Variants in FAM9B observed in about 807,000 individuals in gnomAD.
FAM9B encodes family with sequence similarity 9 member B, also known as protein FAM9B.
FAM9B carries 18 observed loss-of-function variants against 16.6 expected under a neutral mutation model. The ratio of observed to expected loss-of-function variants is 1.09; its 90% CI spans 0.75 to 1.61. FAM9B has a LOEUF of 1.61. Ranked by LOEUF, FAM9B falls within the 40% of genes most tolerant of loss-of-function variation. FAM9B has a pLI of 0.00. For missense variants in FAM9B, 155 were observed against 136.0 expected (o/e 1.14, Z -0.70); for synonymous variants, 43 against 42.6 (o/e 1.01, Z -0.03).
chrX:9,030,088 G>T (rs1248045466), intron 5 of FAM9B, 173 bp downstream of exon 5: 21 of 961,608 alleles, frequency 2.2e-5, no homozygotes, highest in Middle Eastern at 3.9e-4. Context: ...TCTTAATTCT[G>T]TTAAACTGAG....
At position 9,033,042 on chromosome X, in the gene FAM9B, G is replaced by T; in HGVS notation, c.-56C>A. The T allele has an allele frequency of 1.7e-6, 2 of 1,211,899 alleles. No individual in the cohort carries two copies. The highest frequency in any genetic ancestry group is 2.2e-6 in the Non-Finnish European group (2 of 895,446). ...CCTCCTGCCCACAGGATCCGTGGCTGGTTGTCCTGGGAAGCTAGAGGCGAT... is the reference window on the plus strand; with the variant it reads ...CCTCCTGCCCACAGGATCCGTGGCTTGTTGTCCTGGGAAGCTAGAGGCGAT... On this transcript the variant is annotated 5_prime_UTR_variant, in exon 2 of 9. Transcript: ENST00000327220.
rs199877363 is a variant in FAM9B, at chrX:9,033,350, CCT to C, written c.-89-277_-89-276del. 5.0e-4 allele frequency: 505 copies of C among 1,017,939 alleles called. 4 individuals are homozygous for C. In the African/African-American group the frequency reaches 8.8e-3, roughly 18 times the overall value. The allele number at this position is 1,017,939 out of a possible 1,213,427, so 83.9% of individuals were successfully genotyped here. A position where few individuals can be genotyped will look rare whatever the true frequency, so the allele number is the denominator to read the frequency against. On this transcript the variant is annotated intron_variant, in intron 1 of 8. Coordinates refer to ENST00000327220, the MANE Select transcript of FAM9B (RefSeq NM_205849.3). ...CCTTTTGGGACAGAACTCAGCCCTA[CCT>C]CTGAGTCACCTAGCGACCCCATGTG...
In FAM9B at chrX:9,025,221, A is replaced by G. The variant is rs1032221832; in HGVS notation, c.*188T>C. 5.3e-6 allele frequency: 1 copy of G among 188,663 alleles called. No homozygotes were observed. The highest frequency in any genetic ancestry group is 3.0e-5 in the African/African-American group (1 of 33,337). The allele number at this position is 188,663 out of a possible 1,213,427, so 15.5% of individuals were successfully genotyped here. A position where few individuals can be genotyped will look rare whatever the true frequency, so the allele number is the denominator to read the frequency against. On this transcript the variant is annotated 3_prime_UTR_variant, in exon 9 of 9. Coordinates refer to ENST00000327220, the MANE Select transcript of FAM9B (RefSeq NM_205849.3). ...TTAACAGACGAGTGACAGAGGAGCT[A>G]TACCGATTTATACAACAATTATCAA... is the stretch of plus-strand genomic sequence containing the variant.
rs1189932017 is a variant in FAM9B, at chrX:9,024,601, T to C, written c.*808A>G. The C allele has an allele frequency of 1.8e-5, 2 of 112,137 alleles. No homozygotes were observed. The highest frequency in any genetic ancestry group is 6.5e-5 in the African/African-American group (2 of 30,906). The allele number at this position is 112,137 out of a possible 1,213,427, so 9.2% of individuals were successfully genotyped here. On this transcript the variant is annotated 3_prime_UTR_variant, in exon 9 of 9. Transcript: ENST00000327220. ...ATGGCCATAGAGTATATCTATTTTT[T>C]GAAGTCCTACTTTCATTGGAATTGC...
chrX:9,033,582 T>G (rs1209079168), intron 1 of FAM9B, among the ~76,000 whole-genome samples: 1 of 17,939 alleles, frequency 5.6e-5, no homozygotes, highest in African/African-American at 2.3e-4. Context: ...CTCCCACTTC[T>G]CCCCCCCTCG....
At position 9,030,262 on chromosome X, in the gene FAM9B, T is replaced by G; in HGVS notation, c.280A>C (p.Arg94=). The G allele has an allele frequency of 1.7e-6, 2 of 1,196,679 alleles. No individual in the cohort carries two copies. Among genetic ancestry groups the G allele is most frequent in the Non-Finnish European group, 2.3e-6 (2 of 887,449 alleles). The change falls in exon 5 of 9, where the codon AGG becomes CGG. Residue 94 remains arginine (R), a splice_region_variant and synonymous_variant. Transcript: ENST00000327220. The part of the protein sequence containing the change: ...KHALRKKQLK[R]QKRDYIHSLK... ...ATGCAAAAAAGCCAACAGTCATACC[T>G]TTTAAGTTGCTTTTTTCTCAAAGCA...
At chrX:9,025,642 A>C in intron 7 of FAM9B, 59 bp from the exon 8 acceptor site, 1 of 891,158 alleles carries the variant, frequency 1.1e-6, no homozygotes, top group Non-Finnish European at 1.6e-6. Context: ...CATTTTAAAC[A>C]GGGTTAATTA....
intron 1 of FAM9B, chrX:9,033,445 T>A: frequency 1.2e-6 from 1 of 814,349 alleles, no homozygotes; most frequent in Non-Finnish European, 1.5e-6. Context: ...GGGGCTGCAC[T>A]GCCACTCGCC....
intron 7 of FAM9B, among the ~76,000 whole-genome samples, chrX:9,026,236 G>A (rs1426998455): frequency 1.8e-5 from 2 of 111,987 alleles, no homozygotes; most frequent in African/African-American, 6.5e-5. Flanking sequence ...AGCCAAAAAT[G>A]GAGACTGATG....
intron 3 of FAM9B, 54 bp from the exon 4 acceptor site, chrX:9,032,215 T>C: frequency 1.7e-6 from 2 of 1,195,745 alleles, no homozygotes; most frequent in Admixed American, 2.3e-5. Flanking sequence ...AAATGCCATG[T>C]TTGTTGGGAA....
At position 9,032,653 on chromosome X, in the gene FAM9B, C is replaced by T. The variant is rs1921118495; in HGVS notation, c.29-192G>A. ...TATCGAGGGACTTTTGGAAGCCCTT[C>T]GGGTTCAGGTTCCAGTAAACAACGT... is the stretch of plus-strand genomic sequence containing the variant. On this transcript the variant is annotated intron_variant, in intron 2 of 8. Transcript: ENST00000327220. 5 of 677,622 alleles carry T rather than the reference C, an allele frequency of 7.4e-6. No homozygotes were observed. In the East Asian group the frequency reaches 1.1e-4, roughly 14 times the overall value. 55.8% of individuals were successfully genotyped at this position (677,622 alleles called of 1,213,427 possible).
chrX:9,033,131 A>G, intron 1 of FAM9B, 56 bp from the exon 2 acceptor site: 1 of 1,177,883 alleles, frequency 8.5e-7, no homozygotes, highest in African/African-American at 1.8e-5. Context: ...TCGGAAAGGA[A>G]AGCCATTGGG....
chrX:9,029,426 A>G lies in FAM9B; in HGVS notation c.282-8T>C. Reference sequence around the variant, plus strand: ...ATATAATCACGTTTCTGCCTGTAACACATAATAAGTAACACGGTCATACGT... The same window carrying G: ...ATATAATCACGTTTCTGCCTGTAACGCATAATAAGTAACACGGTCATACGT... On this transcript the variant is annotated splice_polypyrimidine_tract_variant and splice_region_variant and intron_variant, in intron 5 of 8. Coordinates refer to ENST00000327220, the MANE Select transcript of FAM9B (RefSeq NM_205849.3). 1 of 1,125,289 alleles carries G rather than the reference A, an allele frequency of 8.9e-7. No individual in the cohort carries two copies. Among genetic ancestry groups the G allele is most frequent in the Non-Finnish European group, 1.2e-6 (1 of 818,228 alleles). 92.7% of individuals were successfully genotyped at this position (1,125,289 alleles called of 1,213,427 possible).
chrX:9,032,817 C>G lies in FAM9B; in HGVS notation c.28+142G>C, dbSNP rs774558974. On this transcript the variant is annotated intron_variant, in intron 2 of 8. Coordinates refer to ENST00000327220, the MANE Select transcript of FAM9B (RefSeq NM_205849.3). ...TTGAGCCTGCTTTGAAAACCTGGCG[C>G]ATCTTAGCACGTGCACAATGGACTC... 3.6e-4 allele frequency: 318 copies of G among 894,271 alleles called. 2 individuals carry two copies. The South Asian group carries it at 7.0e-3, about 20-fold the overall frequency. 73.7% of individuals were successfully genotyped at this position (894,271 alleles called of 1,213,427 possible).
chrX:9,029,234 A>G (rs1012417210), intron 6 of FAM9B, 73 bp downstream of exon 6: 1 of 884,114 alleles, frequency 1.1e-6, no homozygotes, highest in South Asian at 2.5e-5. Context: ...TCTTTGCTGG[A>G]TTTCTGCATG....
At chrX:9,032,523 G>A in intron 2 of FAM9B, 62 bp from the exon 3 acceptor site, 1 of 943,829 alleles carries the variant, frequency 1.1e-6, no homozygotes, top group South Asian at 2.3e-5. Context: ...GACATTTTTT[G>A]TGGAGAAATG....
intron 7 of FAM9B, among the ~76,000 whole-genome samples, chrX:9,026,629 G>A (rs1485394194): frequency 2.7e-5 from 3 of 111,238 alleles, no homozygotes; most frequent in Admixed American, 9.7e-5. Context: ...TTGGACTAGG[G>A]TAGCCGCAGT....
Position 9,033,092 on chromosome X carries a change from C to T in FAM9B, c.-89-17G>A, listed in dbSNP as rs1482651604. 7 of 1,204,140 alleles carry T rather than the reference C, an allele frequency of 5.8e-6. No homozygotes were observed. Among genetic ancestry groups the T allele is most frequent in the Non-Finnish European group, 1.1e-6 (1 of 891,089 alleles). Reference sequence around the variant, plus strand: ...TCCCCGAACCTGGTGAGCGCAAAGACACACTAAGGAAGCTAAGGAAACCTG... The same window carrying T: ...TCCCCGAACCTGGTGAGCGCAAAGATACACTAAGGAAGCTAAGGAAACCTG... On this transcript the variant is annotated splice_polypyrimidine_tract_variant and intron_variant, in intron 1 of 8. Transcript: ENST00000327220.
rs1281101212 is a variant in FAM9B at position 9,024,638 on chromosome X, A to C, written c.*771T>G. ...TTCATTGGAATTGCCTCTTTATCCT[A>C]ATGAGTAAATACAAAAGAACGCACA... is the stretch of plus-strand genomic sequence containing the variant. On this transcript the variant is annotated 3_prime_UTR_variant, in exon 9 of 9. Transcript: ENST00000327220. The C allele has an allele frequency of 9.0e-6, 1 of 111,714 alleles. No individual in the cohort carries two copies. Among genetic ancestry groups the C allele is most frequent in the Non-Finnish European group, 1.9e-5 (1 of 53,143 alleles). 9.2% of individuals were successfully genotyped at this position (111,714 alleles called of 1,213,427 possible). A position where few individuals can be genotyped will look rare whatever the true frequency, so the allele number is the denominator to read the frequency against.
Sources: allele counts gnomAD v4.1 joint callset (sites outside exome capture counted in the v4.1 genomes callset), GRCh38; gene constraint gnomAD v4.1.1; transcripts MANE v1.5; gene names NCBI Gene and HGNC (gene_info 2026-07-23, HGNC 2026-07-21).